GLRA1: variants seen among roughly 807,000 people sequenced by gnomAD.
GLRA1 encodes the protein glycine receptor alpha 1.
A neutral mutation model predicts 48.3 loss-of-function variants in GLRA1; 37 were observed. That is an observed-to-expected ratio of 0.77 (90% CI 0.59 to 1.01). GLRA1 has a LOEUF of 1.01. GLRA1 is among the 50% of genes least tolerant of loss of function. The pLI is 0.00. For missense variants in GLRA1, 427 were observed against 571.0 expected (o/e 0.75, Z 2.57); for synonymous variants, 196 against 210.7 (o/e 0.93, Z 0.60).
chr5:151,852,806 G>T (rs1489928578), intron 6 of GLRA1, among the ~76,000 whole-genome samples: 1 of 152,166 alleles, frequency 6.6e-6, no homozygotes, highest in Admixed American at 6.5e-5. Flanking sequence ...TTGAGGTACT[G>T]ATTTCATTTC....
At chr5:151,860,936 C>T (rs1274834917) in intron 3 of GLRA1, among the ~76,000 whole-genome samples, 1 of 152,148 alleles carries the variant, frequency 6.6e-6, no homozygotes, top group East Asian at 1.9e-4. Context: ...TCCAAGTGTT[C>T]TCATTGTTCA....
chr5:151,840,221 G>C (rs988678314), intron 7 of GLRA1, among the ~76,000 whole-genome samples: 6 of 151,688 alleles, frequency 4.0e-5, no homozygotes, highest in African/African-American at 1.5e-4. Flanking sequence ...AGCCTCCCAA[G>C]TAGCTAGGAC....
intron 1 of GLRA1, among the ~76,000 whole-genome samples, chr5:151,894,150 CGT>C (rs749330230): frequency 2.7e-5 from 4 of 150,376 alleles, no homozygotes; most frequent in Non-Finnish European, 4.4e-5. Flanking sequence ...TGTGTGTGTG[CGT>C]GTGTGTGTGT....
rs779337812 is a variant in GLRA1 at position 151,822,843 on chromosome 5, G to C, written c.1180C>G (p.Pro394Ala). 1.9e-6 allele frequency: 3 copies of C among 1,614,060 alleles called. No individual in the cohort carries two copies. Among genetic ancestry groups the C allele is most frequent in the Non-Finnish European group, 2.5e-6 (3 of 1,180,032 alleles). ...GANNSNTTNP[P>A]PAPSKSPEEM... Reference sequence around the variant, plus strand: ...TCTGGGGACTTAGATGGTGCAGGAGGGGGGTTGGTGGTGTTACTGTTGTTG... The same window carrying C: ...TCTGGGGACTTAGATGGTGCAGGAGCGGGGTTGGTGGTGTTACTGTTGTTG... The change falls in exon 9 of 9, where the codon CCT becomes GCT. Residue 394 changes from proline (P) to alanine (A), a missense_variant. Pro to Ala is a conservative substitution (Grantham distance 27, BLOSUM62 -1). Coordinates refer to ENST00000274576, the MANE Select transcript of GLRA1 (RefSeq NM_000171.4).
intron 1 of GLRA1, among the ~76,000 whole-genome samples, chr5:151,897,919 T>G (rs1581654198): frequency 6.6e-6 from 1 of 152,216 alleles, no homozygotes; most frequent in African/African-American, 2.4e-5. Flanking sequence ...GATTAGAGCA[T>G]GCACTAGACT....
rs10714651 is a variant in GLRA1 at position 151,881,322 on chromosome 5, C to CT, written c.252+5398dup. 5.9e-3 allele frequency among the ~76,000 whole-genome samples: 785 copies of CT among 133,122 alleles called. 9 individuals are homozygous for CT. The highest frequency in any genetic ancestry group is 0.017 in the African/African-American group (612 of 35,528). 87.3% of individuals were successfully genotyped at this position (133,122 alleles called of 152,430 possible). The stretch of plus-strand genomic sequence containing the variant: ...GTACGTTTCTTTCTTTTTGTTTTTC[C>CT]TTTTTTTTTTTTTTTGAGACAGAGC... On this transcript the variant is annotated intron_variant, in intron 3 of 8. Transcript: ENST00000274576.
At chr5:151,864,127 C>T (rs534103109) in intron 3 of GLRA1, among the ~76,000 whole-genome samples, 5 of 138,314 alleles carry the variant, frequency 3.6e-5, no homozygotes, top group South Asian at 2.6e-4. Flanking sequence ...TTGGATTTTG[C>T]GTGAAGTGTG....
intron 7 of GLRA1, among the ~76,000 whole-genome samples, chr5:151,830,124 T>C (rs532598733): frequency 6.6e-6 from 1 of 152,320 alleles, no homozygotes; most frequent in Non-Finnish European, 1.5e-5. Context: ...TCCAGCTCCA[T>C]AGTAGCATTG....
At chr5:151,827,216 A>G (rs1372886140) in intron 8 of GLRA1, among the ~76,000 whole-genome samples, 20 of 150,864 alleles carry the variant, frequency 1.3e-4, no homozygotes, top group Admixed American at 4.0e-4. Flanking sequence ...TATTAAATGG[A>G]CAATATAGAG....
intron 3 of GLRA1, among the ~76,000 whole-genome samples, chr5:151,879,160 C>T (rs975891284): frequency 5.3e-5 from 8 of 152,214 alleles, no homozygotes; most frequent in Middle Eastern, 3.2e-3. Context: ...GCATATGAGA[C>T]GTGGAGTCAA....
chr5:151,924,076 G>A (rs1477230447), intron 1 of GLRA1, among the ~76,000 whole-genome samples: 4 of 152,196 alleles, frequency 2.6e-5, no homozygotes, highest in African/African-American at 4.8e-5. Context: ...AGACGGGAAA[G>A]CTGAGGTTTT....
At chr5:151,838,677 A>G (rs544302472) in intron 7 of GLRA1, among the ~76,000 whole-genome samples, 1 of 152,244 alleles carries the variant, frequency 6.6e-6, no homozygotes, top group South Asian at 2.1e-4. Flanking sequence ...CCTGTGGGAA[A>G]CCATGTAATG....
At chr5:151,850,054 C>G (rs1000709522) in intron 7 of GLRA1, 1 of 1,603,974 alleles carries the variant, frequency 6.2e-7, no homozygotes, top group Non-Finnish European at 8.5e-7. Flanking sequence ...GGTGAGCAAC[C>G]AGCACCCTGG....
At chr5:151,839,294 T>A (rs763374075) in intron 7 of GLRA1, among the ~76,000 whole-genome samples, 7 of 152,202 alleles carry the variant, frequency 4.6e-5, no homozygotes, top group Non-Finnish European at 7.3e-5. Context: ...CTCAAATTCA[T>A]ACGAAGAAAT....
At chr5:151,892,971 A>G (rs988210416) in intron 1 of GLRA1, among the ~76,000 whole-genome samples, 16 of 152,348 alleles carry the variant, frequency 1.1e-4, no homozygotes, top group Middle Eastern at 3.4e-3. Flanking sequence ...AAGTCTCCTC[A>G]GAAGCTTTGA....
chr5:151,875,098 A>G (rs1420595309), intron 3 of GLRA1, among the ~76,000 whole-genome samples: 1 of 152,162 alleles, frequency 6.6e-6, no homozygotes, highest in Non-Finnish European at 1.5e-5. Flanking sequence ...AACTGATCCC[A>G]GGATAGGTTG....
In GLRA1 at chr5:151,861,444, T is replaced by TTG. The variant is rs1344538231; in HGVS notation, c.253-1438_253-1437dup. On this transcript the variant is annotated intron_variant, in intron 3 of 8. Coordinates refer to ENST00000274576, the MANE Select transcript of GLRA1 (RefSeq NM_000171.4). Reference sequence around the variant, plus strand: ...CTAACTGGTGTGAGATGGTATCTCATTGTGGTTTTGATTTGCATTTCTCTG... The same window carrying TTG: ...CTAACTGGTGTGAGATGGTATCTCATTGTGTGGTTTTGATTTGCATTTCTCTG... Among the ~76,000 whole-genome samples the TTG allele has an allele frequency of 3.3e-5, 5 of 152,250 alleles. No individual in the cohort carries two copies. In the East Asian group the frequency reaches 9.6e-4, roughly 29 times the overall value.
Position 151,909,131 on chromosome 5 carries a change from T to C in GLRA1, c.56+15363A>G, listed in dbSNP as rs530242829. On this transcript the variant is annotated intron_variant, in intron 1 of 8. Coordinates refer to ENST00000274576, the MANE Select transcript of GLRA1 (RefSeq NM_000171.4). ...AATATATGTTATTCATATTCGCTGG[T>C]ATTATTAATTATAAATATTATTTAG... Among the ~76,000 whole-genome samples the C allele has an allele frequency of 3.8e-4, 58 of 152,342 alleles. No individual in the cohort carries two copies. The East Asian group carries it at 0.011, about 28-fold the overall frequency.
At chr5:151,917,967 C>T (rs1261279325) in intron 1 of GLRA1, among the ~76,000 whole-genome samples, 1 of 152,176 alleles carries the variant, frequency 6.6e-6, no homozygotes, top group Non-Finnish European at 1.5e-5. Flanking sequence ...CGGCAGCTCC[C>T]TGTTAAGATG....
Sources: gnomAD v4.1 joint callset for allele counts (sites outside exome capture counted in the v4.1 genomes callset) on GRCh38, gnomAD v4.1.1 for gene constraint, MANE v1.5 for transcripts, NCBI Gene and HGNC (gene_info 2026-07-23, HGNC 2026-07-21) for gene names.